Variants in RPS6KA1 observed in about 807,000 individuals in gnomAD.
RPS6KA1 encodes the protein ribosomal protein S6 kinase A1.
RPS6KA1 carries 48 observed loss-of-function variants against 91.3 expected under a neutral mutation model. That is an observed-to-expected ratio of 0.53 (90% CI 0.42 to 0.67). The LOEUF (loss-of-function observed/expected upper bound fraction) is 0.67. Among genes scored for constraint, RPS6KA1 ranks in the 30% least tolerant of loss-of-function variants. The pLI is 0.00. For missense variants in RPS6KA1, 719 were observed against 960.5 expected (o/e 0.75, Z 3.32); for synonymous variants, 359 against 384.7 (o/e 0.93, Z 0.78).
chr1:26,573,093 G>A, intron 20 of RPS6KA1, 131 bp from the exon 21 acceptor site: 1 of 929,256 alleles, frequency 1.1e-6, no homozygotes. Flanking sequence ...GAGCAGAGTG[G>A]AGAATGGATC....
chr1:26,566,127 A>G (rs1230104699), intron 17 of RPS6KA1, among the ~76,000 whole-genome samples: 1 of 152,174 alleles, frequency 6.6e-6, no homozygotes, highest in African/African-American at 2.4e-5. Flanking sequence ...GTTCGTCTTT[A>G]GCAGATATTG....
At position 26,572,134 on chromosome 1, in the gene RPS6KA1, G is replaced by A. The variant is rs766420448; in HGVS notation, c.1830-42G>A. 1.9e-6 allele frequency: 3 copies of A among 1,544,494 alleles called. No homozygotes were observed. In the East Asian group the frequency reaches 6.7e-5, roughly 35 times the overall value. ...CCACCGCAGCCCCAGCCCCAGTATG[G>A]AGGCCAGAGTCTGTACCCAGACCGT... On this transcript the variant is annotated intron_variant, in intron 19 of 21. Coordinates refer to ENST00000374168, the MANE Select transcript of RPS6KA1 (RefSeq NM_002953.4).
chr1:26,539,679 G>T (rs1313571874), intron 2 of RPS6KA1, among the ~76,000 whole-genome samples: 1 of 152,200 alleles, frequency 6.6e-6, no homozygotes, highest in African/African-American at 2.4e-5. Context: ...AGCGGGATTT[G>T]GGATTTGGGA....
chr1:26,558,366 G>A lies in RPS6KA1; in HGVS notation c.1085-441G>A, dbSNP rs1202438125. Reference sequence around the variant, plus strand: ...GTGGTATGGAGAGAGAGGAGGTGAGGATCACAGGGCCCTCAATTGCCAGAC... The same window carrying A: ...GTGGTATGGAGAGAGAGGAGGTGAGAATCACAGGGCCCTCAATTGCCAGAC... On this transcript the variant is annotated intron_variant, in intron 13 of 21. Coordinates refer to ENST00000374168, the MANE Select transcript of RPS6KA1 (RefSeq NM_002953.4). This position sits in a 1 kb window ranked among gnomAD's most constrained non-coding sequence, Gnocchi z 4.0. Among the ~76,000 whole-genome samples, 1 of 152,166 alleles carries A rather than the reference G, an allele frequency of 6.6e-6. No homozygotes were observed. Among genetic ancestry groups the A allele is most frequent in the Non-Finnish European group, 1.5e-5 (1 of 68,018 alleles).
intron 2 of RPS6KA1, 65 bp downstream of exon 2, chr1:26,537,034 G>C: frequency 1.3e-6 from 2 of 1,551,828 alleles, no homozygotes; most frequent in Admixed American, 3.3e-5. Flanking sequence ...TGGCTTTGGA[G>C]GAGGTTGAGG....
Position 26,558,960 on chromosome 1 carries a change from G to C in RPS6KA1, c.1215+23G>C. 1 of 1,602,110 alleles carries C rather than the reference G, an allele frequency of 6.2e-7. No homozygotes were observed. Among genetic ancestry groups the C allele is most frequent in the Non-Finnish European group, 8.5e-7 (1 of 1,170,932 alleles). On this transcript the variant is annotated intron_variant, in intron 14 of 21. Coordinates refer to ENST00000374168, the MANE Select transcript of RPS6KA1 (RefSeq NM_002953.4). This position sits in a 1 kb window ranked among gnomAD's most constrained non-coding sequence, Gnocchi z 4.0. Reference sequence around the variant, plus strand: ...CAGGTGAGGGGGGCAGGGGGCTGCTGCTCCATTATCCTTTTCTAAAGAATG... The same window carrying C: ...CAGGTGAGGGGGGCAGGGGGCTGCTCCTCCATTATCCTTTTCTAAAGAATG...
At chr1:26,570,234 C>G (rs1423737408) in intron 17 of RPS6KA1, among the ~76,000 whole-genome samples, 1 of 152,146 alleles carries the variant, frequency 6.6e-6, no homozygotes, top group East Asian at 1.9e-4. Flanking sequence ...CCTTTAATCC[C>G]AGCACTTTGA....
At chr1:26,572,034 T>A in intron 19 of RPS6KA1, 109 bp downstream of exon 19, 1 of 1,351,170 alleles carries the variant, frequency 7.4e-7, no homozygotes, top group Non-Finnish European at 1.0e-6. Flanking sequence ...CAGGATGGTC[T>A]GGAAATAGGG....
chr1:26,542,531 C>A (rs2075956553), intron 2 of RPS6KA1, among the ~76,000 whole-genome samples: 1 of 152,210 alleles, frequency 6.6e-6, no homozygotes, highest in African/African-American at 2.4e-5. Flanking sequence ...GGGGCTGGGC[C>A]TGGTCAACCC....
At chr1:26,567,979 C>A (rs1214247755) in intron 17 of RPS6KA1, among the ~76,000 whole-genome samples, 2 of 152,198 alleles carry the variant, frequency 1.3e-5, no homozygotes, top group East Asian at 1.9e-4. Context: ...TGACTGGAAT[C>A]CCAACTCTCC....
Position 26,555,692 on chromosome 1 carries a change from C to A in RPS6KA1, c.916+67C>A. 7.0e-7 allele frequency: 1 copy of A among 1,434,628 alleles called. No individual in the cohort carries two copies. The highest frequency in any genetic ancestry group is 9.6e-7 in the Non-Finnish European group (1 of 1,040,642). 88.9% of individuals were successfully genotyped at this position (1,434,628 alleles called of 1,614,324 possible). A position where few individuals can be genotyped will look rare whatever the true frequency, so the allele number is the denominator to read the frequency against. ...AGCCGGGTACAGCTGCAGCCTAGGC[C>A]ACAGGGCCACATCTGGGCTGAAAGG... On this transcript the variant is annotated intron_variant, in intron 11 of 21. Coordinates refer to ENST00000374168, the MANE Select transcript of RPS6KA1 (RefSeq NM_002953.4). This position sits in a 1 kb window ranked among gnomAD's most constrained non-coding sequence, Gnocchi z 4.3.
Position 26,569,585 on chromosome 1 carries a change from G to A in RPS6KA1, c.1591-1864G>A, listed in dbSNP as rs561107054. On this transcript the variant is annotated intron_variant, in intron 17 of 21. Coordinates refer to ENST00000374168, the MANE Select transcript of RPS6KA1 (RefSeq NM_002953.4). The stretch of plus-strand genomic sequence containing the variant: ...TGTCTACCTACTCCACGGGCTCCAC[G>A]GGCATTGCTGGAGGGCTTGGAGATC... Among the ~76,000 whole-genome samples, 12 of 152,278 alleles carry A rather than the reference G, an allele frequency of 7.9e-5. 1 individual carries two copies. The East Asian group carries it at 1.9e-3, about 24-fold the overall frequency.
intron 2 of RPS6KA1, among the ~76,000 whole-genome samples, chr1:26,546,534 G>A (rs1255657245): frequency 6.6e-6 from 1 of 152,206 alleles, no homozygotes; most frequent in Non-Finnish European, 1.5e-5. Context: ...AAACAACAGG[G>A]GGAGGGAAGC....
At chr1:26,573,391 T>C in intron 21 of RPS6KA1, 30 bp downstream of exon 21, 1 of 1,613,466 alleles carries the variant, frequency 6.2e-7, no homozygotes, top group Non-Finnish European at 8.5e-7. Context: ...GCTGGGCATC[T>C]GGGGGGTCAG....
intron 17 of RPS6KA1, among the ~76,000 whole-genome samples, chr1:26,565,864 T>A (rs1267414545): frequency 1.3e-5 from 2 of 152,192 alleles, no homozygotes; most frequent in African/African-American, 4.8e-5. Flanking sequence ...TGGAATTTCA[T>A]ACAAACTTTC....
intron 11 of RPS6KA1, chr1:26,556,232 G>A (rs1034843367): frequency 3.1e-5 from 7 of 227,686 alleles, no homozygotes; most frequent in Non-Finnish European, 6.2e-5. Context: ...GCTGTGTAAG[G>A]TCCAGTCAAG....
chr1:26,545,719 G>T, intron 2 of RPS6KA1: 1 of 826,462 alleles, frequency 1.2e-6, no homozygotes, highest in Non-Finnish European at 1.7e-6. Context: ...GGAGAGAGAG[G>T]AAGGGAACGT....
rs1332351942 is a variant in RPS6KA1, at chr1:26,572,176, A to C, written c.1830A>C (p.Gly610=). Residue 610 remains glycine (G), a splice_region_variant and synonymous_variant, in exon 20 of 22, where the codon GGA becomes GGC. Transcript: ENST00000374168. The stretch of plus-strand genomic sequence containing the variant: ...CCAGACCGTGCGGGCTTTTCTGCAG[A>C]TATACTCCATTTGCCAACGGTCCCA... ...LGILLYTMLA[G]YTPFANGPSD... The C allele has an allele frequency of 5.0e-6, 8 of 1,613,162 alleles. No individual in the cohort carries two copies. The highest frequency in any genetic ancestry group is 5.9e-6 in the Non-Finnish European group (7 of 1,179,348).
At chr1:26,541,398 A>G (rs1386474057) in intron 2 of RPS6KA1, among the ~76,000 whole-genome samples, 1 of 152,012 alleles carries the variant, frequency 6.6e-6, no homozygotes, top group Non-Finnish European at 1.5e-5. Flanking sequence ...CTACTAAAAT[A>G]CAAAAAATTA....
Sources: allele counts gnomAD v4.1 joint callset (sites outside exome capture counted in the v4.1 genomes callset), GRCh38; gene constraint gnomAD v4.1.1; non-coding constraint Gnocchi (gnomAD v3.1); transcripts MANE v1.5; gene names NCBI Gene and HGNC (gene_info 2026-07-23, HGNC 2026-07-21).